AGMO: variants seen among roughly 807,000 people sequenced by gnomAD.
The protein encoded by AGMO is glyceryl-ether monooxygenase.
In AGMO, 75 loss-of-function variants were observed where a neutral mutation model predicts 60.2. The ratio of observed to expected loss-of-function variants is 1.25; its 90% CI spans 1.03 to 1.51. The LOEUF (loss-of-function observed/expected upper bound fraction) is 1.51. Ranked by LOEUF, AGMO falls within the 40% of genes most tolerant of loss-of-function variation. AGMO has a pLI of 0.00. For missense variants in AGMO, 763 were observed against 525.5 expected (o/e 1.45, Z -4.42); for synonymous variants, 261 against 177.1 (o/e 1.47, Z -3.76).
intron 2 of AGMO, among the ~76,000 whole-genome samples, chr7:15,551,659 A>T (rs1583680731): frequency 6.6e-6 from 1 of 151,236 alleles, no homozygotes; most frequent in East Asian, 1.9e-4. Context: ...CTGCTCAAGG[A>T]AATAAAAGAG....
chr7:15,157,062 A>G, the AGMO span, among the ~76,000 whole-genome samples: 1 of 152,282 alleles, frequency 6.6e-6, no homozygotes, highest in East Asian at 1.9e-4. Context: ...TTATTTCTAC[A>G]ATTATATCAC....
intron 12 of AGMO, among the ~76,000 whole-genome samples, chr7:15,261,026 G>A (rs1390769737): frequency 1.3e-5 from 2 of 151,986 alleles, no homozygotes; most frequent in African/African-American, 4.8e-5. Context: ...AGAGCTAAGA[G>A]GAAGGTTTAT....
intron 10 of AGMO, among the ~76,000 whole-genome samples, chr7:15,375,537 C>T (rs1043540698): frequency 1.3e-5 from 2 of 151,818 alleles, no homozygotes; most frequent in South Asian, 4.1e-4. Context: ...GCTGGGATTA[C>T]AGACACCTGC....
intron 3 of AGMO, among the ~76,000 whole-genome samples, chr7:15,464,701 A>G (rs891482576): frequency 3.9e-5 from 6 of 152,182 alleles, no homozygotes; most frequent in African/African-American, 1.4e-4. Context: ...TTGCTTGTAG[A>G]CAAGACAGCA....
chr7:15,289,122 A>C (rs925596753), intron 12 of AGMO, among the ~76,000 whole-genome samples: 1 of 152,060 alleles, frequency 6.6e-6, no homozygotes, highest in African/African-American at 2.4e-5. Context: ...ATTTACAAAA[A>C]AAAATCTTTA....
Position 15,394,157 on chromosome 7 carries a change from A to G in AGMO, c.632T>C (p.Leu211Ser). The G allele has an allele frequency of 6.2e-7, 1 of 1,612,042 alleles. No individual in the cohort carries two copies. Among genetic ancestry groups the G allele is most frequent in the Non-Finnish European group, 8.5e-7 (1 of 1,178,352 alleles). The change falls in exon 6 of 13, where the codon TTG becomes TCG. Residue 211 changes from leucine to serine, a missense_variant. By Grantham distance (145) the Leu-to-Ser change is moderately radical. Transcript: ENST00000342526. The stretch of plus-strand genomic sequence containing the variant: ...GCTAGGAGTATTAAGAATCAGTTCC[A>G]AAGGACCAAGGTTATTGATGACCTG... ...HTEVINNLGPLELILNTPSHH... is the reference protein window; with the variant it reads ...HTEVINNLGPSELILNTPSHH...
At chr7:15,345,651 T>TAGCAGTTTTTAAATATTTACC (rs1782006794) in intron 12 of AGMO, among the ~76,000 whole-genome samples, 1 of 152,204 alleles carries the variant, frequency 6.6e-6, no homozygotes, top group African/African-American at 2.4e-5. Flanking sequence ...ATGTTGTTGT[T>TAGCAGTTTTTAAATATTTACC]AGCAGTTTTT....
intron 12 of AGMO, among the ~76,000 whole-genome samples, chr7:15,343,299 CTTATT>C (rs1781924572): frequency 6.6e-6 from 1 of 152,040 alleles, no homozygotes; most frequent in Admixed American, 6.6e-5. Flanking sequence ...TCTATTCACC[CTTATT>C]TTAACTCAAG....
At chr7:15,133,809 A>G in the AGMO span, among the ~76,000 whole-genome samples, 1 of 152,300 alleles carries the variant, frequency 6.6e-6, no homozygotes, top group South Asian at 2.1e-4. Context: ...CAGTGACACA[A>G]GTCAGCTGTT....
chr7:15,541,708 G>A (rs1784635043), intron 3 of AGMO, among the ~76,000 whole-genome samples: 3 of 152,126 alleles, frequency 2.0e-5, no homozygotes, highest in Admixed American at 2.0e-4. Flanking sequence ...TCCCATAACT[G>A]TGAGAAAATG....
At chr7:15,401,650 C>T (rs1053828788) in intron 5 of AGMO, among the ~76,000 whole-genome samples, 48 of 152,120 alleles carry the variant, frequency 3.2e-4, no homozygotes, top group African/African-American at 1.1e-3. Context: ...ACTTACTTTT[C>T]AGAAAGAAGG....
chr7:15,210,820 G>T (rs148787493), intron 12 of AGMO, among the ~76,000 whole-genome samples: 1 of 151,844 alleles, frequency 6.6e-6, no homozygotes, highest in Non-Finnish European at 1.5e-5. Context: ...TTTGATCTGG[G>T]TTTTAAATTA....
At chr7:15,368,339 T>TA (rs1019113622) in intron 10 of AGMO, among the ~76,000 whole-genome samples, 13 of 152,106 alleles carry the variant, frequency 8.5e-5, no homozygotes, top group Admixed American at 6.6e-4. Context: ...TAAGGTTTGT[T>TA]ACTTTGTTTG....
At chr7:15,352,995 A>G (rs1782310385) in intron 12 of AGMO, among the ~76,000 whole-genome samples, 2 of 152,130 alleles carry the variant, frequency 1.3e-5, no homozygotes, top group Admixed American at 6.6e-5. Flanking sequence ...TGCGCAGGTC[A>G]TAAATCATAG....
intron 12 of AGMO, among the ~76,000 whole-genome samples, chr7:15,353,349 A>C (rs1257644529): frequency 1.3e-5 from 2 of 152,190 alleles, no homozygotes; most frequent in East Asian, 3.9e-4. Context: ...ACATTCTCAA[A>C]TCTCTTTTTA....
chr7:15,515,801 C>T (rs1421117138), intron 3 of AGMO, among the ~76,000 whole-genome samples: 1 of 152,124 alleles, frequency 6.6e-6, no homozygotes, highest in Non-Finnish European at 1.5e-5. Context: ...GTTATTTCTT[C>T]AACAGTTTTC....
the AGMO span, among the ~76,000 whole-genome samples, chr7:15,174,771 C>T: frequency 1.3e-5 from 2 of 150,370 alleles, no homozygotes; most frequent in Non-Finnish European, 3.0e-5. Context: ...CTAGCTAATA[C>T]ATTCCAAAAA....
intron 3 of AGMO, among the ~76,000 whole-genome samples, chr7:15,524,863 A>AAC (rs1361487684): frequency 1.1e-4 from 1 of 9,236 alleles, no homozygotes; most frequent in African/African-American, 2.2e-4. Context: ...ATTCCATCTC[A>AAC]AAAAAAAAAA....
At chr7:15,324,567 C>G (rs1211726192) in intron 12 of AGMO, among the ~76,000 whole-genome samples, 1 of 152,130 alleles carries the variant, frequency 6.6e-6, no homozygotes, top group Non-Finnish European at 1.5e-5. Flanking sequence ...TCTTCTCCCC[C>G]TCATCTCCCT....
Sources: gnomAD v4.1 joint callset for allele counts (sites outside exome capture counted in the v4.1 genomes callset) on GRCh38, gnomAD v4.1.1 for gene constraint, MANE v1.5 for transcripts, NCBI Gene and HGNC (gene_info 2026-07-23, HGNC 2026-07-21) for gene names.